Variants in MBD2 observed in about 807,000 individuals in gnomAD.
MBD2 encodes the protein methyl-CpG binding domain protein 2, also known as methyl-CpG-binding domain protein 2.
MBD2 carries 9 observed loss-of-function variants against 39.3 expected under a neutral mutation model. The observed-to-expected ratio is 0.23, with a 90% CI of 0.14 to 0.40. The LOEUF (loss-of-function observed/expected upper bound fraction) is 0.40, where lower values mean the gene tolerates loss of function less well. Among genes scored for constraint, MBD2 ranks in the 10% least tolerant of loss-of-function variants. The pLI, the probability that MBD2 is intolerant of heterozygous loss-of-function variation, is 1.00. For missense variants in MBD2, 458 were observed against 532.6 expected, an observed-to-expected ratio of 0.86 and a Z score of 1.38; for synonymous variants, 233 against 211.1, an observed-to-expected ratio of 1.10 and a Z score of -0.90.
intron 6 of MBD2, among the ~76,000 whole-genome samples, chr18:54,157,965 C>T (rs1253041159): frequency 1.3e-5 from 2 of 152,140 alleles, no homozygotes; most frequent in Admixed American, 1.3e-4. Flanking sequence ...TCATCTCTTG[C>T]GAGACTACCG....
At chr18:54,217,230 T>C (rs1457338795) in intron 1 of MBD2, among the ~76,000 whole-genome samples, 1 of 152,188 alleles carries the variant, frequency 6.6e-6, no homozygotes, top group Non-Finnish European at 1.5e-5. Flanking sequence ...TATATTCACA[T>C]AGAGTTTATG....
At chr18:54,202,775 T>C in intron 2 of MBD2, 1 of 1,494,732 alleles carries the variant, frequency 6.7e-7, no homozygotes, top group Non-Finnish European at 8.9e-7. Context: ...CATAAAGCAA[T>C]ATTAAGTACC....
chr18:54,206,548 T>C (rs2086451086), intron 1 of MBD2, among the ~76,000 whole-genome samples: 1 of 152,172 alleles, frequency 6.6e-6, no homozygotes, highest in South Asian at 2.1e-4. Flanking sequence ...GCAATAAATA[T>C]TCTCTTGGAA....
chr18:54,161,306 A>T (rs1237217442), intron 5 of MBD2, among the ~76,000 whole-genome samples: 1 of 152,240 alleles, frequency 6.6e-6, no homozygotes, highest in East Asian at 1.9e-4. Context: ...ATGAATTTTC[A>T]AAAAGAGGGA....
chr18:54,217,152 A>G (rs1487188343), intron 1 of MBD2, among the ~76,000 whole-genome samples: 2 of 152,160 alleles, frequency 1.3e-5, no homozygotes, highest in Non-Finnish European at 2.9e-5. Flanking sequence ...CACATCTGTA[A>G]AACACTCGAT....
intron 3 of MBD2, among the ~76,000 whole-genome samples, chr18:54,168,581 A>C (rs1037934485): frequency 1.3e-4 from 8 of 60,250 alleles, no homozygotes; most frequent in African/African-American, 6.8e-4. Flanking sequence ...ACATATATAT[A>C]TATATATATA....
At chr18:54,206,684 C>T (rs1255533723) in intron 1 of MBD2, among the ~76,000 whole-genome samples, 1 of 152,154 alleles carries the variant, frequency 6.6e-6, no homozygotes, top group Non-Finnish European at 1.5e-5. Context: ...TTTTCCACAA[C>T]CACATGACTT....
intron 1 of MBD2, among the ~76,000 whole-genome samples, chr18:54,220,719 A>C (rs1194370090): frequency 1.3e-5 from 2 of 152,216 alleles, no homozygotes. Flanking sequence ...ATATGGGGAC[A>C]CTAATATGTA....
chr18:54,197,407 C>A (rs752819353), intron 2 of MBD2, among the ~76,000 whole-genome samples: 3 of 152,212 alleles, frequency 2.0e-5, no homozygotes, highest in African/African-American at 7.2e-5. Flanking sequence ...CCAACCTGGC[C>A]TTTTTGTCTT....
intron 3 of MBD2, among the ~76,000 whole-genome samples, chr18:54,180,480 T>C (rs1334103497): frequency 6.6e-6 from 1 of 152,102 alleles, no homozygotes; most frequent in African/African-American, 2.4e-5. Context: ...CTATTTAACC[T>C]ATTTACCTAA....
At chr18:54,189,677 T>C (rs2086307376) in intron 2 of MBD2, among the ~76,000 whole-genome samples, 1 of 152,110 alleles carries the variant, frequency 6.6e-6, no homozygotes, top group Admixed American at 6.5e-5. Flanking sequence ...AGGGGCAGGG[T>C]CTCACTCTGT....
chr18:54,151,752 A>G lies in MBD2; in HGVS notation c.*3572T>C, dbSNP rs2086022804. 6.6e-6 allele frequency: 1 copy of G among 151,530 alleles called. No homozygotes were observed. The highest frequency in any genetic ancestry group is 2.1e-4 in the South Asian group (1 of 4,794). The allele number at this position is 151,530 out of a possible 1,614,324, so 9.4% of individuals were successfully genotyped here. A position where few individuals can be genotyped will look rare whatever the true frequency, so the allele number is the denominator to read the frequency against. On this transcript the variant is annotated 3_prime_UTR_variant, in exon 7 of 7. Transcript: ENST00000256429. ...TCTTTGCAATTATTTATGAAGATCTATATTATTTTAAAAATCCAAACGAGT... is the reference window on the plus strand; with the variant it reads ...TCTTTGCAATTATTTATGAAGATCTGTATTATTTTAAAAATCCAAACGAGT...
At chr18:54,210,340 G>T (rs1010516803) in intron 1 of MBD2, among the ~76,000 whole-genome samples, 1 of 151,942 alleles carries the variant, frequency 6.6e-6, no homozygotes, top group Non-Finnish European at 1.5e-5. Context: ...CTCAGATTAC[G>T]CTCACTTTAA....
intron 3 of MBD2, among the ~76,000 whole-genome samples, chr18:54,171,030 A>T (rs901100544): frequency 6.1e-5 from 9 of 147,696 alleles, no homozygotes; most frequent in Non-Finnish European, 1.5e-5. Flanking sequence ...AGCTAGTTTT[A>T]TTTTTTTTTT....
intron 5 of MBD2, among the ~76,000 whole-genome samples, chr18:54,162,722 A>G (rs559655305): frequency 4.9e-4 from 74 of 152,366 alleles, no homozygotes; most frequent in African/African-American, 1.6e-3. Context: ...CCTCAAGGGT[A>G]AGAACAATCC....
At chr18:54,201,933 G>T (rs1227171985) in intron 2 of MBD2, among the ~76,000 whole-genome samples, 1 of 151,534 alleles carries the variant, frequency 6.6e-6, no homozygotes, top group African/African-American at 2.4e-5. Context: ...ATTCACCTCT[G>T]ATATGGAAAA....
intron 1 of MBD2, among the ~76,000 whole-genome samples, chr18:54,223,368 A>C (rs1440214342): frequency 6.6e-6 from 1 of 152,192 alleles, no homozygotes; most frequent in African/African-American, 2.4e-5. Context: ...TCTGGCCTCT[A>C]CCCACTAGAT....
chr18:54,216,235 C>T (rs1035959496), intron 1 of MBD2, among the ~76,000 whole-genome samples: 1 of 152,118 alleles, frequency 6.6e-6, no homozygotes, highest in African/African-American at 2.4e-5. Flanking sequence ...TACACACACA[C>T]AAGTTTGAGG....
intron 1 of MBD2, among the ~76,000 whole-genome samples, chr18:54,223,013 T>A (rs900004594): frequency 2.6e-5 from 4 of 152,250 alleles, no homozygotes; most frequent in Non-Finnish European, 5.9e-5. Flanking sequence ...AATACCCATA[T>A]ACATTCCCTG....
Sources: allele counts gnomAD v4.1 joint callset (sites outside exome capture counted in the v4.1 genomes callset), GRCh38; gene constraint gnomAD v4.1.1; transcripts MANE v1.5; gene names NCBI Gene and HGNC (gene_info 2026-07-23, HGNC 2026-07-21).